Variants in CHEK1 observed in about 807,000 individuals in gnomAD.
CHEK1 encodes serine/threonine-protein kinase Chk1.
A neutral mutation model predicts 60.2 loss-of-function variants in CHEK1; 32 were observed. The observed-to-expected ratio is 0.53, with a 90% CI of 0.40 to 0.71. The LOEUF is 0.71. Among genes scored for constraint, CHEK1 ranks in the 30% least tolerant of loss-of-function variants. The probability of loss-of-function intolerance (pLI) is 0.00; values close to 1 mark genes in which losing one functional copy is unlikely to be tolerated. For missense variants in CHEK1, 399 were observed against 564.6 expected (o/e 0.71, Z 2.97); for synonymous variants, 179 against 187.2 (o/e 0.96, Z 0.36).
intron 13 of CHEK1, among the ~76,000 whole-genome samples, chr11:125,666,018 T>C (rs1942092107): frequency 6.6e-6 from 1 of 151,566 alleles, no homozygotes; most frequent in African/African-American, 2.4e-5. Flanking sequence ...ATTTCTTTGC[T>C]TCTATTAACT....
At chr11:125,680,365 T>C (rs528329365), downstream of CHEK1, among the ~76,000 whole-genome samples, 1 of 152,366 alleles carries the variant, frequency 6.6e-6, no homozygotes, top group South Asian at 2.1e-4. Context: ...ATCTCCCATC[T>C]TTCCTTGGCA....
intron 13 of CHEK1, among the ~76,000 whole-genome samples, chr11:125,665,869 CTTTTTTT>C (rs66560397): frequency 6.6e-5 from 2 of 30,516 alleles, no homozygotes; most frequent in Non-Finnish European, 1.2e-4. Flanking sequence ...CTTCATTCCC[CTTTTTTT>C]TTTTTTTTTT....
downstream of CHEK1, among the ~76,000 whole-genome samples, chr11:125,657,345 T>C (rs900932535): frequency 6.6e-6 from 1 of 152,026 alleles, no homozygotes; most frequent in South Asian, 2.1e-4. Flanking sequence ...ACATAAAATA[T>C]GTACACTTCA....
At chr11:125,675,419 T>C (rs1942455281) in intron 13 of CHEK1, among the ~76,000 whole-genome samples, 1 of 152,224 alleles carries the variant, frequency 6.6e-6, no homozygotes, top group Non-Finnish European at 1.5e-5. Flanking sequence ...CTGTAGTTCA[T>C]GGTATGTGTC....
At chr11:125,680,861 T>C (rs112114009), downstream of CHEK1, 17 of 1,168,636 alleles carry the variant, frequency 1.5e-5, 1 homozygote, top group African/African-American at 1.2e-4. Context: ...AGCAAAAGCT[T>C]CCAGTGCTGA....
intron 13 of CHEK1, among the ~76,000 whole-genome samples, chr11:125,674,451 G>T (rs1942384706): frequency 6.6e-6 from 1 of 152,056 alleles, no homozygotes; most frequent in East Asian, 1.9e-4. Flanking sequence ...GAGAAAACAT[G>T]AAAACATGAA....
intron 13 of CHEK1, chr11:125,672,737 A>T (rs745857785): frequency 6.2e-7 from 1 of 1,613,166 alleles, no homozygotes; most frequent in Non-Finnish European, 8.5e-7. Context: ...GCAGAGACAG[A>T]CTAGTGAGCA....
intron 8 of CHEK1, among the ~76,000 whole-genome samples, chr11:125,638,968 A>G (rs1309246863): frequency 6.6e-6 from 1 of 152,124 alleles, no homozygotes; most frequent in Non-Finnish European, 1.5e-5. Context: ...TAACTTAAAC[A>G]GTCCTTTGTA....
chr11:125,652,811 G>C (rs541600273), intron 11 of CHEK1, among the ~76,000 whole-genome samples: 1 of 152,150 alleles, frequency 6.6e-6, no homozygotes, highest in African/African-American at 2.4e-5. Context: ...CAAACATTGT[G>C]GGAATGGGAA....
At chr11:125,661,354 C>G (rs1207406887), downstream of CHEK1, among the ~76,000 whole-genome samples, 3 of 152,048 alleles carry the variant, frequency 2.0e-5, no homozygotes, top group Admixed American at 2.0e-4. Context: ...CTCTGTCACC[C>G]AGGCTAGAGT....
chr11:125,676,239 A>C, exon 14 of CHEK1: 1 of 1,311,140 alleles, frequency 7.6e-7, no homozygotes, highest in Non-Finnish European at 1.1e-6. Flanking sequence ...TGAAAAAATA[A>C]AGTTCTGAAT....
chr11:125,676,160 G>T, exon 14 of CHEK1: 1 of 565,734 alleles, frequency 1.8e-6, no homozygotes, highest in Non-Finnish European at 3.0e-6. Flanking sequence ...CACCTGCCTT[G>T]GCCTCCCAAA....
chr11:125,663,658 C>G (rs1942054031), intron 13 of CHEK1, among the ~76,000 whole-genome samples: 1 of 152,034 alleles, frequency 6.6e-6, no homozygotes, highest in Non-Finnish European at 1.5e-5. Flanking sequence ...TGCAGAAGCT[C>G]TTTAGTTTAA....
At chr11:125,646,643 C>T (rs1941519708) in intron 11 of CHEK1, among the ~76,000 whole-genome samples, 2 of 152,116 alleles carry the variant, frequency 1.3e-5, no homozygotes, top group Admixed American at 6.5e-5. Context: ...CTTACTGCCT[C>T]CCCTTTTTGC....
intron 5 of CHEK1, among the ~76,000 whole-genome samples, chr11:125,632,135 C>T (rs1005131650): frequency 6.6e-6 from 1 of 151,986 alleles, no homozygotes; most frequent in Non-Finnish European, 1.5e-5. Context: ...GCCTTTTTGT[C>T]CCACTTACAC....
At chr11:125,638,515 T>C (rs560464935) in intron 8 of CHEK1, among the ~76,000 whole-genome samples, 1 of 152,326 alleles carries the variant, frequency 6.6e-6, no homozygotes, top group African/African-American at 2.4e-5. Flanking sequence ...AAAGAGTTAA[T>C]GTTTAAACAT....
chr11:125,640,332 G>T (rs1034464045), intron 8 of CHEK1, among the ~76,000 whole-genome samples: 2 of 151,964 alleles, frequency 1.3e-5, no homozygotes, highest in Non-Finnish European at 2.9e-5. Flanking sequence ...ACGAGGTCAG[G>T]AGATCGAGAC....
At position 125,655,417 on chromosome 11, in the gene CHEK1, T is replaced by C. The variant is rs1202753914; in HGVS notation, c.*97T>C. 1 of 772,014 alleles carries C rather than the reference T, an allele frequency of 1.3e-6. No homozygotes were observed. The highest frequency in any genetic ancestry group is 2.1e-6 in the Non-Finnish European group (1 of 476,062). 47.8% of individuals were successfully genotyped at this position (772,014 alleles called of 1,614,324 possible). On this transcript the variant is annotated 3_prime_UTR_variant, in exon 13 of 13. Coordinates refer to ENST00000438015, the MANE Select transcript of CHEK1 (RefSeq NM_001114122.3). ...ATTATCCTGTCCTGCAAACTGCAAA[T>C]AGTAGTTCCTGAAGTGTTCACTTCC... is the stretch of plus-strand genomic sequence containing the variant.
At chr11:125,633,495 C>T in intron 6 of CHEK1, 144 bp downstream of exon 6, 1 of 651,836 alleles carries the variant, frequency 1.5e-6, no homozygotes, top group South Asian at 3.5e-5. Flanking sequence ...CTTGGCCAGA[C>T]TGGAGTACAG....
Sources: gnomAD v4.1 joint callset for allele counts (sites outside exome capture counted in the v4.1 genomes callset) on GRCh38, gnomAD v4.1.1 for gene constraint, MANE v1.5 for transcripts, NCBI Gene and HGNC (gene_info 2026-07-23, HGNC 2026-07-21) for gene names.